The following NIPA1 variants were observed in gnomAD, a reference collection of about 807,000 sequenced individuals.
NIPA1 encodes the protein NIPA magnesium transporter 1.
NIPA1 carries 13 observed loss-of-function variants against 23.9 expected under a neutral mutation model. The ratio of observed to expected loss-of-function variants is 0.54; its 90% confidence interval spans 0.35 to 0.87. The LOEUF (loss-of-function observed/expected upper bound fraction) is 0.87. NIPA1 is among the 40% of genes least tolerant of loss of function. The probability of loss-of-function intolerance (pLI) is 0.01; values close to 1 mark genes in which losing one functional copy is unlikely to be tolerated. For missense variants in NIPA1, 362 were observed against 429.7 expected (o/e 0.84, Z 1.39); for synonymous variants, 234 against 202.9 (o/e 1.15, Z -1.30).
chr15:22,829,678 T>C lies in NIPA1; in HGVS notation c.*5439T>C, dbSNP rs1043244161. ...CTGCTTATATTTTGCTTTATAGATG[T>C]AGTCATAGCATGTTGTTATTGCCTC... On this transcript the variant is annotated 3_prime_UTR_variant, in exon 5 of 5. Transcript: ENST00000337435. 6.6e-6 allele frequency: 1 copy of C among 152,188 alleles called. No individual in the cohort carries two copies. The highest frequency in any genetic ancestry group is 6.5e-5 in the Admixed American group (1 of 15,278). 9.4% of individuals were successfully genotyped at this position (152,188 alleles called of 1,614,324 possible).
intron 3 of NIPA1, chr15:22,819,564 T>A (rs1172917666): frequency 6.6e-6 from 1 of 152,222 alleles, no homozygotes; most frequent in South Asian, 2.1e-4. Flanking sequence ...GTTTTCAGTA[T>A]TAGAGGAAAT....
chr15:22,805,900 GTATTT>G (rs1468445598), intron 1 of NIPA1, among the ~76,000 whole-genome samples: 1 of 151,836 alleles, frequency 6.6e-6, no homozygotes, highest in African/African-American at 2.4e-5. Flanking sequence ...CTATAAAGCT[GTATTT>G]TATTTATTTT....
chr15:22,810,633 A>C, intron 1 of NIPA1, 116 bp from the exon 2 acceptor site: 110 of 678,582 alleles, frequency 1.6e-4, no homozygotes, highest in Middle Eastern at 5.5e-4. Context: ...ACAGTATGAC[A>C]TTCATTCTTT....
At chr15:22,817,079 C>G (rs1566786582) in intron 3 of NIPA1, among the ~76,000 whole-genome samples, 1 of 147,446 alleles carries the variant, frequency 6.8e-6, no homozygotes, top group Non-Finnish European at 1.5e-5. Context: ...CCCAGCTACT[C>G]AGGAGGCTGA....
At position 22,786,652 on chromosome 15, in the gene NIPA1, G is replaced by A; in HGVS notation, c.-5G>A. The stretch of plus-strand genomic sequence containing the variant: ...GCGCAGGCTCGGAGGGCGGGCGCGG[G>A]CGGAATGGGGACTGCAGCTGCGGCA... On this transcript the variant is annotated 5_prime_UTR_variant, in exon 1 of 5. Transcript: ENST00000337435. 1.9e-6 allele frequency: 2 copies of A among 1,034,002 alleles called. No homozygotes were observed. Among genetic ancestry groups the A allele is most frequent in the Non-Finnish European group, 1.2e-6 (1 of 858,180 alleles). 64.1% of individuals were successfully genotyped at this position (1,034,002 alleles called of 1,614,324 possible).
chr15:22,822,222 T>C (rs547346153), intron 4 of NIPA1, among the ~76,000 whole-genome samples: 1 of 152,282 alleles, frequency 6.6e-6, no homozygotes, highest in African/African-American at 2.4e-5. Context: ...ATATATTAAA[T>C]CCATGCAAAA....
At position 22,786,654 on chromosome 15, in the gene NIPA1, G is replaced by T; in HGVS notation, c.-3G>T. 1 of 1,038,690 alleles carries T rather than the reference G, an allele frequency of 9.6e-7. No homozygotes were observed. Among genetic ancestry groups the T allele is most frequent in the Non-Finnish European group, 1.2e-6 (1 of 861,112 alleles). The allele number at this position is 1,038,690 out of a possible 1,614,324, so 64.3% of individuals were successfully genotyped here. A position where few individuals can be genotyped will look rare whatever the true frequency, so the allele number is the denominator to read the frequency against. On this transcript the variant is annotated 5_prime_UTR_variant, in exon 1 of 5. Transcript: ENST00000337435. ...GCAGGCTCGGAGGGCGGGCGCGGGC[G>T]GAATGGGGACTGCAGCTGCGGCAGC...
At chr15:22,823,670 C>A in intron 4 of NIPA1, 58 bp from the exon 5 acceptor site, 6 of 1,541,876 alleles carry the variant, frequency 3.9e-6, no homozygotes, top group Non-Finnish European at 5.2e-6. Context: ...CAGTCCACCT[C>A]CTGGGTTGCG....
At chr15:22,814,384 T>C (rs1895375776) in intron 3 of NIPA1, among the ~76,000 whole-genome samples, 1 of 152,106 alleles carries the variant, frequency 6.6e-6, no homozygotes, top group South Asian at 2.1e-4. Context: ...TTTGTATTTT[T>C]AGTAGAGACG....
At position 22,786,818 on chromosome 15, in the gene NIPA1, G is replaced by T; in HGVS notation, c.162G>T (p.Val54=). The part of the protein sequence containing the change: ...STFVLQKKGI[V]RAKRRGTSYL... ...TCGTGCTACAGAAGAAGGGCATCGT[G>T]CGTGCCAAGCGGCGAGGTAGGGCGG... The change falls in exon 1 of 5, where the codon GTG becomes GTT. Residue 54 remains valine, a synonymous_variant. Transcript: ENST00000337435. 8.0e-7 allele frequency: 1 copy of T among 1,254,334 alleles called. No individual in the cohort carries two copies. Among genetic ancestry groups the T allele is most frequent in the Non-Finnish European group, 1.0e-6 (1 of 977,756 alleles). 77.7% of individuals were successfully genotyped at this position (1,254,334 alleles called of 1,614,324 possible). A position where few individuals can be genotyped will look rare whatever the true frequency, so the allele number is the denominator to read the frequency against.
intron 2 of NIPA1, 76 bp downstream of exon 2, chr15:22,810,872 G>A: frequency 8.7e-7 from 1 of 1,153,554 alleles, no homozygotes; most frequent in Non-Finnish European, 1.3e-6. Flanking sequence ...GGCTGGAGTG[G>A]CTGGGCTAGG....
chr15:22,810,875 G>A lies in NIPA1; in HGVS notation c.226+79G>A. Reference sequence around the variant, plus strand: ...TGGTCTGGGCAGGGCTGGAGTGGCTGGGCTAGGGTGGCTCTGTTCTTTGGA... The same window carrying A: ...TGGTCTGGGCAGGGCTGGAGTGGCTAGGCTAGGGTGGCTCTGTTCTTTGGA... On this transcript the variant is annotated intron_variant, in intron 2 of 4. Transcript: ENST00000337435. 5 of 1,094,022 alleles carry A rather than the reference G, an allele frequency of 4.6e-6. No individual in the cohort carries two copies. In the South Asian group the frequency reaches 6.2e-5, roughly 14 times the overall value. 67.8% of individuals were successfully genotyped at this position (1,094,022 alleles called of 1,614,324 possible). A position where few individuals can be genotyped will look rare whatever the true frequency, so the allele number is the denominator to read the frequency against.
intron 1 of NIPA1, among the ~76,000 whole-genome samples, chr15:22,793,344 T>A: frequency 9.4e-6 from 1 of 106,348 alleles, no homozygotes; most frequent in Non-Finnish European, 1.7e-5. Flanking sequence ...GGCTACGGAG[T>A]GAGACTGTGT....
At chr15:22,806,178 C>T (rs889206919) in intron 1 of NIPA1, among the ~76,000 whole-genome samples, 2 of 152,330 alleles carry the variant, frequency 1.3e-5, no homozygotes, top group East Asian at 1.9e-4. Context: ...CCGCCTCGGC[C>T]TCCCAAAGTG....
chr15:22,800,753 C>T (rs1895058810), intron 1 of NIPA1, among the ~76,000 whole-genome samples: 1 of 151,842 alleles, frequency 6.6e-6, no homozygotes, highest in African/African-American at 2.4e-5. Flanking sequence ...ACGGTAAAAC[C>T]CCATCTCTAC....
At position 22,828,915 on chromosome 15, in the gene NIPA1, C is replaced by G. The variant is rs770292072; in HGVS notation, c.*4676C>G. ...TTCTGGTGGCCTGAGATGAGAGCAC[C>G]GTGTTCAGAAGTGCCTGGGAGTGGC... is the stretch of plus-strand genomic sequence containing the variant. On this transcript the variant is annotated 3_prime_UTR_variant, in exon 5 of 5. Coordinates refer to ENST00000337435, the MANE Select transcript of NIPA1 (RefSeq NM_144599.5). The G allele has an allele frequency of 2.0e-5, 3 of 152,486 alleles. No homozygotes were observed. Among genetic ancestry groups the G allele is most frequent in the Non-Finnish European group, 2.9e-5 (2 of 68,064 alleles). 9.4% of individuals were successfully genotyped at this position (152,486 alleles called of 1,614,324 possible).
At chr15:22,786,958 G>C (rs1287799215) in intron 1 of NIPA1, 124 bp downstream of exon 1, 2 of 529,050 alleles carry the variant, frequency 3.8e-6, no homozygotes, top group Non-Finnish European at 5.1e-6. Context: ...GCCCAGGTTG[G>C]GGGAAGGCTG....
rs1391040869 is a variant in NIPA1 at position 22,829,188 on chromosome 15, T to C, written c.*4949T>C. 1 of 152,220 alleles carries C rather than the reference T, an allele frequency of 6.6e-6. No homozygotes were observed. The highest frequency in any genetic ancestry group is 1.5e-5 in the Non-Finnish European group (1 of 68,038). 9.4% of individuals were successfully genotyped at this position (152,220 alleles called of 1,614,324 possible). A position where few individuals can be genotyped will look rare whatever the true frequency, so the allele number is the denominator to read the frequency against. ...ATCACCTTCCGATGGTGTGATGTGC[T>C]CCTGACATTCGGCCGAGGTCTGTAT... On this transcript the variant is annotated 3_prime_UTR_variant, in exon 5 of 5. Transcript: ENST00000337435.
chr15:22,816,418 ACCTTG>A (rs1895419268), intron 3 of NIPA1, among the ~76,000 whole-genome samples: 1 of 144,716 alleles, frequency 6.9e-6, no homozygotes, highest in Non-Finnish European at 1.5e-5. Flanking sequence ...TGATTTCCTG[ACCTTG>A]TGGTCTGCCT....
Sources: allele counts gnomAD v4.1 joint callset (sites outside exome capture counted in the v4.1 genomes callset), GRCh38; gene constraint gnomAD v4.1.1; transcripts MANE v1.5; gene names NCBI Gene and HGNC (gene_info 2026-07-23, HGNC 2026-07-21).